Variants in SPATA18 observed in about 807,000 individuals in gnomAD.
SPATA18 encodes spermatogenesis associated 18, also known as mitochondria-eating protein.
Under a neutral mutation model 68.1 loss-of-function variants are expected in SPATA18, and 54 were observed. The ratio of observed to expected loss-of-function variants is 0.79; its 90% CI spans 0.64 to 0.99. The LOEUF (loss-of-function observed/expected upper bound fraction) is 0.99. Ranked by LOEUF, SPATA18 falls within the 50% of genes least tolerant of loss-of-function variation. SPATA18 has a pLI of 0.00. For synonymous variants in SPATA18, 242 were observed against 244.8 expected, an observed-to-expected ratio of 0.99 and a Z score of 0.11; for missense variants, 724 against 681.1, an observed-to-expected ratio of 1.06 and a Z score of -0.70.
intron 10 of SPATA18, among the ~76,000 whole-genome samples, chr4:52,083,741 C>CT (rs530695076): frequency 0.032 from 3,928 of 121,594 alleles, 195 homozygotes; most frequent in African/African-American, 0.095. Context: ...AAGATCCTGT[C>CT]TTTTTTTTTT....
intron 11 of SPATA18, among the ~76,000 whole-genome samples, chr4:52,090,070 A>G (rs1032947089): frequency 2.0e-5 from 3 of 152,110 alleles, no homozygotes; most frequent in Non-Finnish European, 4.4e-5. Context: ...TTGTTGGTTT[A>G]AAGTCTGTTT....
chr4:52,088,912 T>C (rs902191795), intron 11 of SPATA18, among the ~76,000 whole-genome samples: 4 of 152,200 alleles, frequency 2.6e-5, no homozygotes, highest in African/African-American at 2.4e-5. Flanking sequence ...CGTCTGGTCC[T>C]GGACTTTTTT....
Position 52,078,847 on chromosome 4 carries a change from A to G in SPATA18, c.1133A>G (p.Tyr378Cys). The G allele has an allele frequency of 1.2e-6, 2 of 1,606,100 alleles. No homozygotes were observed. Among genetic ancestry groups the G allele is most frequent in the Non-Finnish European group, 8.5e-7 (1 of 1,173,532 alleles). The change falls in exon 8 of 13, where the codon TAT (tyrosine) becomes TGT (cysteine). Residue 378 changes from tyrosine to cysteine, a missense_variant. By Grantham distance (194) the Tyr-to-Cys change is radical. Transcript: ENST00000295213. ...SNDFENAVLDYVICHLDLYDS... is the reference protein window; with the variant it reads ...SNDFENAVLDCVICHLDLYDS... Reference sequence around the variant, plus strand: ...GACTTTGAGAATGCTGTCTTGGATTATGTCATTTGTCATCTTGATCTATAT... The same window carrying G: ...GACTTTGAGAATGCTGTCTTGGATTGTGTCATTTGTCATCTTGATCTATAT...
chr4:52,085,615 C>T (rs1741353762), intron 11 of SPATA18, among the ~76,000 whole-genome samples: 5 of 152,132 alleles, frequency 3.3e-5, no homozygotes, highest in Admixed American at 3.3e-4. Context: ...GTAACTCTAG[C>T]ACTTTCAGAG....
At chr4:52,079,526 CT>C (rs1740731457) in intron 8 of SPATA18, among the ~76,000 whole-genome samples, 1 of 152,130 alleles carries the variant, frequency 6.6e-6, no homozygotes, top group African/African-American at 2.4e-5. Context: ...ACTCTCTTGG[CT>C]TTTACTGTGT....
Position 52,094,970 on chromosome 4 carries a change from C to T in SPATA18, c.*83C>T, listed in dbSNP as rs1742310155. The stretch of plus-strand genomic sequence containing the variant: ...CGCCATCTGTCTTCTGTGTCTGCCT[C>T]AGACCTCACTTAAGATAATGTCAAA... On this transcript the variant is annotated 3_prime_UTR_variant, in exon 13 of 13. Transcript: ENST00000295213. 1 of 1,524,238 alleles carries T rather than the reference C, an allele frequency of 6.6e-7. No individual in the cohort carries two copies. The highest frequency in any genetic ancestry group is 9.1e-7 in the Non-Finnish European group (1 of 1,098,438). 94.4% of individuals were successfully genotyped at this position (1,524,238 alleles called of 1,614,324 possible).
intron 10 of SPATA18, 35 bp from the exon 11 acceptor site, chr4:52,084,881 T>G: frequency 6.2e-7 from 1 of 1,607,146 alleles, no homozygotes; most frequent in Non-Finnish European, 8.5e-7. Context: ...CACAAACTCC[T>G]GACTATGTCT....
At chr4:52,070,332 T>C (rs1739695928) in intron 5 of SPATA18, among the ~76,000 whole-genome samples, 1 of 152,096 alleles carries the variant, frequency 6.6e-6, no homozygotes, top group Non-Finnish European at 1.5e-5. Flanking sequence ...TGTTCCATCA[T>C]TTGGGGATTT....
chr4:52,076,387 A>G, intron 6 of SPATA18, among the ~76,000 whole-genome samples: 1 of 152,238 alleles, frequency 6.6e-6, no homozygotes, highest in East Asian at 1.9e-4. Context: ...AAAGACCAGA[A>G]CATATCCTTT....
chr4:52,070,041 T>G (rs749984401), intron 5 of SPATA18, 125 bp downstream of exon 5: 87 of 128,314 alleles, frequency 6.8e-4, no homozygotes, highest in Non-Finnish European at 9.7e-4. Flanking sequence ...TTTTATTAAT[T>G]ATATATATAT....
At chr4:52,082,877 T>C (rs1741070372) in intron 10 of SPATA18, 3 of 985,302 alleles carry the variant, frequency 3.0e-6, no homozygotes, top group South Asian at 4.7e-5. Flanking sequence ...AGGAAACGAT[T>C]TGCCAAATTT....
chr4:52,082,281 C>T (rs1399413842), intron 9 of SPATA18, 106 bp from the exon 10 acceptor site: 1 of 1,068,602 alleles, frequency 9.4e-7, no homozygotes, highest in African/African-American at 1.6e-5. Context: ...CCTATATTTA[C>T]TCAGATCTGA....
chr4:52,052,794 G>A (rs917381623), intron 1 of SPATA18, among the ~76,000 whole-genome samples: 1 of 152,208 alleles, frequency 6.6e-6, no homozygotes, highest in Non-Finnish European at 1.5e-5. Context: ...CTGAGATCCT[G>A]CCTGTTATGA....
chr4:52,060,565 T>C (rs1738744604), intron 2 of SPATA18, 41 bp downstream of exon 2: 1 of 1,570,164 alleles, frequency 6.4e-7, no homozygotes, highest in Admixed American at 1.7e-5. Context: ...TCTGCTTGCC[T>C]TTCTCTCTTT....
At chr4:52,089,218 C>T (rs1402011780) in intron 11 of SPATA18, among the ~76,000 whole-genome samples, 3 of 151,786 alleles carry the variant, frequency 2.0e-5, no homozygotes, top group Non-Finnish European at 2.9e-5. Context: ...TTTTGCAGAT[C>T]TTTTTTAAAA....
intron 1 of SPATA18, among the ~76,000 whole-genome samples, chr4:52,058,097 C>G (rs997574229): frequency 2.0e-5 from 3 of 152,148 alleles, no homozygotes; most frequent in African/African-American, 7.2e-5. Flanking sequence ...ATGGCCAGGG[C>G]AAGGAGCTGC....
chr4:52,085,654 G>A (rs964474051), intron 11 of SPATA18, among the ~76,000 whole-genome samples: 2 of 152,052 alleles, frequency 1.3e-5, no homozygotes, highest in African/African-American at 4.8e-5. Context: ...CTTGAGCCCA[G>A]GAGTTTGAGA....
chr4:52,072,286 A>C, intron 6 of SPATA18, 130 bp downstream of exon 6: 1 of 1,400,412 alleles, frequency 7.1e-7, no homozygotes, highest in Non-Finnish European at 9.6e-7. Context: ...CCAAGCTTTG[A>C]ATTGTAAAGG....
rs770456732 is a variant in SPATA18 at position 52,076,831 on chromosome 4, C to CGCA, written c.816_818dup (p.Ser272dup). 3.1e-6 allele frequency: 5 copies of CGCA among 1,614,154 alleles called. No homozygotes were observed. The highest frequency in any genetic ancestry group is 4.2e-6 in the Non-Finnish European group (5 of 1,179,998). On this transcript the variant is annotated inframe_insertion, in exon 7 of 13. Coordinates refer to ENST00000295213, the MANE Select transcript of SPATA18 (RefSeq NM_145263.4). ...TGCCCCTCGCAGCCGTAGCTGCAGC[C>CGCA]GCAGCAGATCTGCCAGCCCCTCCAC...
Sources: allele counts gnomAD v4.1 joint callset (sites outside exome capture counted in the v4.1 genomes callset), GRCh38; gene constraint gnomAD v4.1.1; transcripts MANE v1.5; gene names NCBI Gene and HGNC (gene_info 2026-07-23, HGNC 2026-07-21).